Variants in KCNIP4 observed in about 807,000 individuals in gnomAD.
KCNIP4 encodes potassium voltage-gated channel interacting protein 4.
Under a neutral mutation model 34.0 loss-of-function variants are expected in KCNIP4, and 12 were observed. That is an observed-to-expected ratio of 0.35 (90% confidence interval 0.23 to 0.57). The LOEUF is 0.57. KCNIP4 is among the 20% of genes least tolerant of loss of function. The pLI is 0.83. For missense variants in KCNIP4, 238 were observed against 311.7 expected, an observed-to-expected ratio of 0.76 and a Z score of 1.78; for synonymous variants, 124 against 102.2, an observed-to-expected ratio of 1.21 and a Z score of -1.29.
chr4:21,073,994 A>G (rs1745226881), intron 1 of KCNIP4, among the ~76,000 whole-genome samples: 1 of 152,162 alleles, frequency 6.6e-6, no homozygotes, highest in Non-Finnish European at 1.5e-5. Context: ...AGCCCAGTTG[A>G]TCATGGTGGA....
intron 1 of KCNIP4, chr4:21,846,036 T>C (rs35215732): frequency 0.1 from 15,442 of 152,078 alleles, 786 homozygotes; most frequent in Middle Eastern, 0.14. Context: ...ACTCAGTCTC[T>C]TACTGAGACT....
At chr4:21,747,062 T>C (rs1716826133) in intron 1 of KCNIP4, among the ~76,000 whole-genome samples, 1 of 152,202 alleles carries the variant, frequency 6.6e-6, no homozygotes, top group Non-Finnish European at 1.5e-5. Flanking sequence ...TTCAATTCTA[T>C]TAAGCGTAGC....
chr4:21,807,644 A>T lies in KCNIP4; in HGVS notation c.61+140927T>A, dbSNP rs544485076. Among the ~76,000 whole-genome samples, 7 of 152,314 alleles carry T rather than the reference A, an allele frequency of 4.6e-5. No homozygotes were observed. The East Asian group carries it at 1.4e-3, about 29-fold the overall frequency. ...TTAAGGTTGATGAGAACATTCCACA[A>T]TGTGTCATGACAATACTGCATTAGT... is the stretch of plus-strand genomic sequence containing the variant. On this transcript the variant is annotated intron_variant, in intron 1 of 8. Transcript: ENST00000382152.
At chr4:21,576,959 TC>T (rs1329929574) in intron 1 of KCNIP4, among the ~76,000 whole-genome samples, 2 of 152,186 alleles carry the variant, frequency 1.3e-5, no homozygotes, top group Non-Finnish European at 2.9e-5. Context: ...ATTGAGCATA[TC>T]TTTTCTTCCT....
chr4:21,531,656 C>A (rs1001451320), intron 1 of KCNIP4, among the ~76,000 whole-genome samples: 6 of 151,776 alleles, frequency 4.0e-5, no homozygotes, highest in African/African-American at 7.3e-5. Flanking sequence ...GGATTACAGG[C>A]GTGAGCCACC....
chr4:20,947,070 C>A (rs1168974489), intron 1 of KCNIP4, among the ~76,000 whole-genome samples: 1 of 152,162 alleles, frequency 6.6e-6, no homozygotes, highest in Non-Finnish European at 1.5e-5. Context: ...CCCTAAGCTC[C>A]CCTTAGTCTT....
At chr4:20,887,537 G>T (rs1725444981) in intron 1 of KCNIP4, among the ~76,000 whole-genome samples, 1 of 152,024 alleles carries the variant, frequency 6.6e-6, no homozygotes, top group Non-Finnish European at 1.5e-5. Flanking sequence ...GTCAAATAAT[G>T]TAAGAATAAT....
intron 1 of KCNIP4, among the ~76,000 whole-genome samples, chr4:21,127,857 T>C (rs957930038): frequency 6.6e-6 from 1 of 152,214 alleles, no homozygotes; most frequent in Non-Finnish European, 1.5e-5. Flanking sequence ...ATGCTGTCCC[T>C]GCACAATCAA....
intron 1 of KCNIP4, among the ~76,000 whole-genome samples, chr4:21,274,869 A>T (rs1055704082): frequency 2.8e-5 from 4 of 140,378 alleles, no homozygotes; most frequent in African/African-American, 1.0e-4. Context: ...CACTATGAAG[A>T]TTGTTAATTT....
At chr4:21,022,523 G>T (rs748636433) in intron 1 of KCNIP4, among the ~76,000 whole-genome samples, 16 of 152,224 alleles carry the variant, frequency 1.1e-4, no homozygotes, top group African/African-American at 3.9e-4. Context: ...ACAAGGTGGT[G>T]CCTTTGCACT....
At chr4:21,400,500 T>TCTTC (rs1560369068) in intron 1 of KCNIP4, among the ~76,000 whole-genome samples, 25 of 103,300 alleles carry the variant, frequency 2.4e-4, no homozygotes, top group African/African-American at 1.2e-3. Context: ...CTCCCCTCCC[T>TCTTC]TCCCCTCCCT....
At chr4:21,736,463 G>C (rs1715997512) in intron 1 of KCNIP4, among the ~76,000 whole-genome samples, 1 of 152,170 alleles carries the variant, frequency 6.6e-6, no homozygotes, top group South Asian at 2.1e-4. Context: ...TATTCAACAA[G>C]TATTTCATGA....
At chr4:21,309,507 CT>C (rs1396767612) in intron 1 of KCNIP4, among the ~76,000 whole-genome samples, 3 of 152,140 alleles carry the variant, frequency 2.0e-5, no homozygotes, top group Non-Finnish European at 4.4e-5. Context: ...TATCCTTAGT[CT>C]TCACTAGCTT....
intron 1 of KCNIP4, among the ~76,000 whole-genome samples, chr4:21,678,570 C>T (rs533055369): frequency 4.6e-4 from 70 of 152,178 alleles, no homozygotes; most frequent in Non-Finnish European, 8.4e-4. Context: ...CTGTCTTCTC[C>T]ATTTACTCCC....
chr4:21,381,437 C>T (rs558607493), intron 1 of KCNIP4, among the ~76,000 whole-genome samples: 1 of 152,068 alleles, frequency 6.6e-6, no homozygotes, highest in Admixed American at 6.6e-5. Context: ...TATTTTTACT[C>T]AACTTTTAAA....
At chr4:21,510,859 A>G (rs1460281491) in intron 1 of KCNIP4, among the ~76,000 whole-genome samples, 1 of 138,326 alleles carries the variant, frequency 7.2e-6, no homozygotes, top group Non-Finnish European at 1.5e-5. Context: ...TCTGCTAAAA[A>G]TACAAAATAA....
intron 1 of KCNIP4, among the ~76,000 whole-genome samples, chr4:21,128,608 G>A (rs1750807997): frequency 1.3e-5 from 2 of 152,122 alleles, no homozygotes; most frequent in Non-Finnish European, 2.9e-5. Context: ...CTAGAAAAGG[G>A]CTTGCCACAT....
rs142163795 is a variant in KCNIP4, at chr4:21,219,148, G to A, written c.62-336439C>T. 8.1e-4 allele frequency among the ~76,000 whole-genome samples: 123 copies of A among 152,232 alleles called. 1 individual carries two copies. Among genetic ancestry groups the A allele is most frequent in the African/African-American group, 2.8e-3 (117 of 41,542 alleles). On this transcript the variant is annotated intron_variant, in intron 1 of 8. Coordinates refer to ENST00000382152, the MANE Select transcript of KCNIP4 (RefSeq NM_025221.6). ...AACCCAGCAAACCCAGCAGCCCTGCGTTCTGGAAACAAGCTCTGTGGCTGG... is the reference window on the plus strand; with the variant it reads ...AACCCAGCAAACCCAGCAGCCCTGCATTCTGGAAACAAGCTCTGTGGCTGG...
intron 1 of KCNIP4, among the ~76,000 whole-genome samples, chr4:21,251,431 T>C (rs551283576): frequency 2.6e-5 from 4 of 152,108 alleles, no homozygotes; most frequent in African/African-American, 7.2e-5. Context: ...CCGAGAACAC[T>C]GTGGCCCTCA....
Sources: allele counts gnomAD v4.1 joint callset (sites outside exome capture counted in the v4.1 genomes callset), GRCh38; gene constraint gnomAD v4.1.1; transcripts MANE v1.5; gene names NCBI Gene and HGNC (gene_info 2026-07-23, HGNC 2026-07-21).